Variants in PRKCQ observed in about 807,000 individuals in gnomAD.
PRKCQ encodes the protein protein kinase C theta, also known as protein kinase C theta type.
PRKCQ carries 41 observed loss-of-function variants against 91.2 expected under a neutral mutation model. That is an observed-to-expected ratio of 0.45 (90% CI 0.35 to 0.58). The LOEUF is 0.58. Among genes scored for constraint, PRKCQ ranks in the 20% least tolerant of loss-of-function variants. The pLI, the probability that PRKCQ is intolerant of heterozygous loss-of-function variation, is 0.00. For missense variants in PRKCQ, 673 were observed against 896.5 expected, an observed-to-expected ratio of 0.75 and a Z score of 3.18; for synonymous variants, 307 against 316.9, an observed-to-expected ratio of 0.97 and a Z score of 0.33.
At chr10:6,472,646 T>C (rs770165870) in intron 12 of PRKCQ, among the ~76,000 whole-genome samples, 9 of 152,390 alleles carry the variant, frequency 5.9e-5, no homozygotes, top group Admixed American at 1.3e-4. Context: ...TCCTTTTTTC[T>C]CTTGTTCTGT....
intron 1 of PRKCQ, among the ~76,000 whole-genome samples, chr10:6,545,980 G>C (rs975514772): frequency 6.6e-6 from 1 of 152,014 alleles, no homozygotes; most frequent in African/African-American, 2.4e-5. Flanking sequence ...CTCCAGCCTG[G>C]GGGACATAGC....
intron 17 of PRKCQ, among the ~76,000 whole-genome samples, chr10:6,429,593 TG>T (rs544315752): frequency 1.4e-3 from 212 of 152,308 alleles, no homozygotes; most frequent in African/African-American, 4.9e-3. Flanking sequence ...ATATGGCCCA[TG>T]TCTATCCAGG....
chr10:6,404,217 T>TAGAGAG, the PRKCQ span, among the ~76,000 whole-genome samples: 7 of 98,276 alleles, frequency 7.1e-5, no homozygotes, highest in South Asian at 4.0e-4. Flanking sequence ...AAGAAAAAAC[T>TAGAGAG]AGAGAGAGAG....
At chr10:6,447,127 G>A (rs1834349587) in intron 15 of PRKCQ, among the ~76,000 whole-genome samples, 1 of 152,112 alleles carries the variant, frequency 6.6e-6, no homozygotes, top group Admixed American at 6.5e-5. Context: ...TGATGTTTCC[G>A]GCTGGGCGCA....
rs1378912364 is a variant in PRKCQ, at chr10:6,491,635, C to T, written c.790+48G>A. ...AGTTCCCCAGAAAGCCTTGCTCCAT[C>T]CCCTAGGGGGTCCACGTCGGGCCAT... On this transcript the variant is annotated intron_variant, in intron 8 of 17. Coordinates refer to ENST00000263125, the MANE Select transcript of PRKCQ (RefSeq NM_006257.5). 2.5e-6 allele frequency: 4 copies of T among 1,607,014 alleles called. No homozygotes were observed. The East Asian group carries it at 8.9e-5, about 36-fold the overall frequency.
At chr10:6,478,139 T>G (rs1836372692) in intron 12 of PRKCQ, among the ~76,000 whole-genome samples, 1 of 152,202 alleles carries the variant, frequency 6.6e-6, no homozygotes, top group Non-Finnish European at 1.5e-5. Context: ...TTAAATCACG[T>G]TGTAGAATAT....
intron 1 of PRKCQ, among the ~76,000 whole-genome samples, chr10:6,552,713 T>G (rs1399777737): frequency 6.6e-6 from 1 of 152,156 alleles, no homozygotes; most frequent in African/African-American, 2.4e-5. Flanking sequence ...GTGATCCTCC[T>G]GCCTTGGCCT....
At chr10:6,447,228 G>A (rs1834357545) in intron 15 of PRKCQ, among the ~76,000 whole-genome samples, 1 of 152,096 alleles carries the variant, frequency 6.6e-6, no homozygotes, top group African/African-American at 2.4e-5. Context: ...CCAACATGGT[G>A]AAACCCTGTC....
At chr10:6,394,607 G>C in the PRKCQ span, among the ~76,000 whole-genome samples, 1 of 151,990 alleles carries the variant, frequency 6.6e-6, no homozygotes. Flanking sequence ...TCTCAGATAC[G>C]TGTTGTAAAT....
chr10:6,425,749 G>A (rs1833103546), downstream of PRKCQ, among the ~76,000 whole-genome samples: 1 of 152,072 alleles, frequency 6.6e-6, no homozygotes, highest in South Asian at 2.1e-4. Flanking sequence ...GAGTCCAGGA[G>A]TTCAAGACCA....
At chr10:6,439,439 C>A (rs187209294) in intron 16 of PRKCQ, among the ~76,000 whole-genome samples, 1 of 152,090 alleles carries the variant, frequency 6.6e-6, no homozygotes, top group Non-Finnish European at 1.5e-5. Context: ...CCTTGATGAA[C>A]CTGGATTTGA....
chr10:6,524,483 C>T (rs1194780993), intron 1 of PRKCQ, among the ~76,000 whole-genome samples: 2 of 152,156 alleles, frequency 1.3e-5, no homozygotes, highest in East Asian at 1.9e-4. Flanking sequence ...CGTCTTCAGC[C>T]GTATTCCAAG....
intron 1 of PRKCQ, among the ~76,000 whole-genome samples, chr10:6,572,451 T>C (rs1841081438): frequency 6.6e-6 from 1 of 152,218 alleles, no homozygotes; most frequent in Admixed American, 6.5e-5. Context: ...GTTCTCATTA[T>C]TCAGCTCCCA....
In PRKCQ at chr10:6,461,357, G is replaced by C. The variant is rs192106631; in HGVS notation, c.1508+946C>G. 1.9e-4 allele frequency among the ~76,000 whole-genome samples: 29 copies of C among 152,196 alleles called. No individual in the cohort carries two copies. In the East Asian group the frequency reaches 5.0e-3, roughly 26 times the overall value. ...CAAAAATATTTTAGATACATTGCAG[G>C]CCTTACACATATAAAGAAAAATTTA... On this transcript the variant is annotated intron_variant, in intron 14 of 17. Coordinates refer to ENST00000263125, the MANE Select transcript of PRKCQ (RefSeq NM_006257.5).
intron 1 of PRKCQ, among the ~76,000 whole-genome samples, chr10:6,561,522 C>A (rs940966276): frequency 6.6e-5 from 10 of 152,040 alleles, no homozygotes; most frequent in Non-Finnish European, 1.3e-4. Flanking sequence ...AGAAATTTGA[C>A]GTGAACCTAC....
chr10:6,538,899 G>A (rs929951522), intron 1 of PRKCQ, among the ~76,000 whole-genome samples: 8 of 152,084 alleles, frequency 5.3e-5, no homozygotes, highest in African/African-American at 1.4e-4. Context: ...GAGTAGCTGG[G>A]ACTACAGGTG....
At chr10:6,404,166 TA>T in the PRKCQ span, among the ~76,000 whole-genome samples, 1 of 144,728 alleles carries the variant, frequency 6.9e-6, no homozygotes. Context: ...CAAGATTAGA[TA>T]AGGGCAAAAA....
chr10:6,436,902 A>G (rs571466181), intron 16 of PRKCQ, among the ~76,000 whole-genome samples: 1 of 150,854 alleles, frequency 6.6e-6, no homozygotes, highest in Middle Eastern at 3.4e-3. Context: ...TCCCTCCTTC[A>G]CTCTCCGTCC....
rs186276067 is a variant in PRKCQ at position 6,431,244 on chromosome 10, G to A, written c.1837-306C>T. Among the ~76,000 whole-genome samples, 15 of 152,286 alleles carry A rather than the reference G, an allele frequency of 9.8e-5. No homozygotes were observed. In the East Asian group the frequency reaches 2.7e-3, roughly 27 times the overall value. On this transcript the variant is annotated intron_variant, in intron 16 of 17. Coordinates refer to ENST00000263125, the MANE Select transcript of PRKCQ (RefSeq NM_006257.5). The stretch of plus-strand genomic sequence containing the variant: ...CTGAGTCAGTTTCCTCACCTGTAAA[G>A]TAAGCCAAGTGCCCTCCTAACAGGG...
Sources: allele counts gnomAD v4.1 joint callset (sites outside exome capture counted in the v4.1 genomes callset), GRCh38; gene constraint gnomAD v4.1.1; transcripts MANE v1.5; gene names NCBI Gene and HGNC (gene_info 2026-07-23, HGNC 2026-07-21).